SV2C: variants seen among roughly 807,000 people sequenced by gnomAD.
SV2C encodes the protein solute carrier family 22 member B3.
Under a neutral mutation model 79.7 loss-of-function variants are expected in SV2C, and 49 were observed. The ratio of observed to expected loss-of-function variants is 0.61; its 90% CI spans 0.49 to 0.78. The LOEUF is 0.78. Ranked by LOEUF, SV2C falls within the 30% of genes least tolerant of loss-of-function variation. SV2C has a pLI of 0.00. For synonymous variants in SV2C, 334 were observed against 333.2 expected, an observed-to-expected ratio of 1.00 and a Z score of -0.03; for missense variants, 833 against 912.9, an observed-to-expected ratio of 0.91 and a Z score of 1.13.
At chr5:76,061,859 T>C in the SV2C span, among the ~76,000 whole-genome samples, 1 of 152,130 alleles carries the variant, frequency 6.6e-6, no homozygotes, top group African/African-American at 2.4e-5. Flanking sequence ...ATGAAGATAA[T>C]TGCAAAAATG....
At chr5:76,353,556 A>G (rs1259045619) in exon 13 of SV2C, 3 of 152,366 alleles carry the variant, frequency 2.0e-5, no homozygotes, top group African/African-American at 7.2e-5. Flanking sequence ...AAGCATTACA[A>G]ACAATTTGAA....
intron 4 of SV2C, among the ~76,000 whole-genome samples, chr5:76,277,488 C>T (rs1747057729): frequency 6.6e-6 from 1 of 152,160 alleles, no homozygotes; most frequent in African/African-American, 2.4e-5. Context: ...AAGAACCAGA[C>T]CAAGGCTGGG....
the SV2C span, among the ~76,000 whole-genome samples, chr5:75,901,578 C>A: frequency 2.6e-5 from 4 of 152,232 alleles, no homozygotes; most frequent in Admixed American, 1.3e-4. Context: ...CTTCTCAGAT[C>A]TCCAGCTGCA....
rs550533669 is a variant in SV2C, at chr5:76,244,777, A to G, written c.913+34890A>G. Among the ~76,000 whole-genome samples, 8 of 152,372 alleles carry G rather than the reference A, an allele frequency of 5.3e-5. No individual in the cohort carries two copies. The East Asian group carries it at 1.3e-3, about 26-fold the overall frequency. ...TCAAGTTAAATTCATCAAAATTAAT[A>G]AAAGTCCTAATTCTGTTTCTCAGTC... On this transcript the variant is annotated intron_variant, in intron 4 of 12. Coordinates refer to ENST00000502798, the MANE Select transcript of SV2C (RefSeq NM_014979.4).
At chr5:76,091,078 A>G (rs904948749) in intron 1 of SV2C, among the ~76,000 whole-genome samples, 2 of 152,194 alleles carry the variant, frequency 1.3e-5, no homozygotes, top group African/African-American at 4.8e-5. Context: ...AAATCCATGG[A>G]GCCATTGTCG....
chr5:76,209,742 A>C lies in SV2C; in HGVS notation c.768A>C (p.Gly256=). The C allele has an allele frequency of 1.2e-6, 2 of 1,613,120 alleles. No homozygotes were observed. The highest frequency in any genetic ancestry group is 1.7e-6 in the Non-Finnish European group (2 of 1,179,762). The change falls in exon 4 of 13, where the codon GGA becomes GGC. Residue 256 remains glycine, a synonymous_variant. Transcript: ENST00000502798. ...FCRLLSGFGI[G]GAIPTVFSYF... ...TCTCTGTACCTCTTGGCAGGATTGG[A>C]GGAGCCATACCCACTGTGTTCTCGT...
intron 12 of SV2C, among the ~76,000 whole-genome samples, chr5:76,319,579 G>C (rs182758891): frequency 6.6e-6 from 1 of 152,148 alleles, no homozygotes; most frequent in Non-Finnish European, 1.5e-5. Context: ...TTCATCTAAA[G>C]AACTGCCTTT....
Position 76,194,959 on chromosome 5 carries a change from C to G in SV2C, c.621C>G (p.Phe207Leu). The change falls in exon 3 of 13, where the codon TTC becomes TTG. Residue 207 changes from phenylalanine (F) to leucine (L), a missense_variant. Physicochemically the swap from Phe to Leu is conservative, Grantham distance 22. Transcript: ENST00000502798. ...VYLGMMVGAF[F>L]WGGLADKVGR... Reference sequence around the variant, plus strand: ...TCGGGATGATGGTGGGGGCGTTCTTCTGGGGAGGACTGGCAGACAAAGTGG... The same window carrying G: ...TCGGGATGATGGTGGGGGCGTTCTTGTGGGGAGGACTGGCAGACAAAGTGG... The G allele has an allele frequency of 6.2e-7, 1 of 1,613,990 alleles. No individual in the cohort carries two copies. Among genetic ancestry groups the G allele is most frequent in the South Asian group, 1.1e-5 (1 of 91,068 alleles).
chr5:76,162,227 C>T (rs1742917018), intron 2 of SV2C, among the ~76,000 whole-genome samples: 1 of 152,138 alleles, frequency 6.6e-6, no homozygotes, highest in South Asian at 2.1e-4. Context: ...GAGGTTGAAG[C>T]AATGTTAACT....
At chr5:75,865,528 A>G in the SV2C span, among the ~76,000 whole-genome samples, 1 of 152,304 alleles carries the variant, frequency 6.6e-6, no homozygotes, top group East Asian at 1.9e-4. Context: ...TAGAAGAAGA[A>G]TCTTCCCCAT....
the SV2C span, among the ~76,000 whole-genome samples, chr5:75,965,004 A>G: frequency 6.6e-6 from 1 of 152,242 alleles, no homozygotes; most frequent in South Asian, 2.1e-4. Flanking sequence ...GTAGAGCCCA[A>G]TATGATACAT....
intron 4 of SV2C, among the ~76,000 whole-genome samples, chr5:76,276,387 G>T (rs555714953): frequency 6.6e-6 from 1 of 152,300 alleles, no homozygotes; most frequent in East Asian, 1.9e-4. Context: ...CATGCCACAA[G>T]GCAGGAGGAG....
At chr5:75,863,909 C>T in the SV2C span, among the ~76,000 whole-genome samples, 1 of 152,186 alleles carries the variant, frequency 6.6e-6, no homozygotes, top group South Asian at 2.1e-4. Context: ...ATCAAGCTTT[C>T]AATTTTCAAT....
chr5:75,970,649 C>T, the SV2C span, among the ~76,000 whole-genome samples: 45 of 152,214 alleles, frequency 3.0e-4, no homozygotes, highest in African/African-American at 1.1e-3. Context: ...CTGATTAGAC[C>T]AATAATAGGC....
the SV2C span, among the ~76,000 whole-genome samples, chr5:75,978,274 C>A: frequency 6.6e-6 from 1 of 152,152 alleles, no homozygotes; most frequent in South Asian, 2.1e-4. Flanking sequence ...TTATACCACA[C>A]TAGCTGTACT....
At chr5:76,094,474 GT>G (rs1247130157) in intron 1 of SV2C, among the ~76,000 whole-genome samples, 1 of 151,910 alleles carries the variant, frequency 6.6e-6, no homozygotes, top group African/African-American at 2.4e-5. Context: ...AAAGATTCAT[GT>G]TTTTTTGTGT....
At chr5:76,226,393 G>A (rs1745245367) in intron 4 of SV2C, among the ~76,000 whole-genome samples, 1 of 152,162 alleles carries the variant, frequency 6.6e-6, no homozygotes, top group South Asian at 2.1e-4. Flanking sequence ...CTACTGAGCT[G>A]CAGCAGATTC....
the SV2C span, among the ~76,000 whole-genome samples, chr5:76,017,047 A>G: frequency 2.0e-5 from 3 of 152,354 alleles, no homozygotes; most frequent in South Asian, 6.2e-4. Context: ...ACTTGATTAT[A>G]AATATACCTT....
intron 12 of SV2C, among the ~76,000 whole-genome samples, chr5:76,341,135 T>C (rs992248878): frequency 6.6e-6 from 1 of 152,124 alleles, no homozygotes; most frequent in African/African-American, 2.4e-5. Flanking sequence ...TTCACCATGT[T>C]GGCCAGGCTT....
Sources: gnomAD v4.1 joint callset for allele counts (sites outside exome capture counted in the v4.1 genomes callset) on GRCh38, gnomAD v4.1.1 for gene constraint, MANE v1.5 for transcripts, NCBI Gene and HGNC (gene_info 2026-07-23, HGNC 2026-07-21) for gene names.